The following GAA variants were observed in gnomAD, a reference collection of about 807,000 sequenced individuals.
GAA encodes the protein alpha glucosidase, also known as lysosomal alpha-glucosidase.
GAA carries 88 observed loss-of-function variants against 103.9 expected under a neutral mutation model. That is an observed-to-expected ratio of 0.85 (90% CI 0.71 to 1.01). GAA has a LOEUF of 1.01. Among genes scored for constraint, GAA ranks in the 50% least tolerant of loss-of-function variants. The pLI, the probability that GAA is intolerant of heterozygous loss-of-function variation, is 0.00. For synonymous variants in GAA, 572 were observed against 563.1 expected (o/e 1.02, Z -0.22); for missense variants, 1,350 against 1,305.3 (o/e 1.03, Z -0.53).
chr17:80,104,507 G>A lies in GAA; in HGVS notation c.-32-48G>A, dbSNP rs1282982483. On this transcript the variant is annotated intron_variant, in intron 1 of 19. Coordinates refer to ENST00000302262, the MANE Select transcript of GAA (RefSeq NM_000152.5). This position sits in a 1 kb window ranked among gnomAD's most constrained non-coding sequence, Gnocchi z 4.0. ...CAGAGCTGCTTTGAGAGCCCCGTGA[G>A]TGCCGCCCCTCCCGCCTCCCTGCTG... 1.5e-6 allele frequency: 2 copies of A among 1,379,160 alleles called. No homozygotes were observed. The highest frequency in any genetic ancestry group is 1.4e-5 in the African/African-American group (1 of 70,030). 85.4% of individuals were successfully genotyped at this position (1,379,160 alleles called of 1,614,324 possible).
In GAA at chr17:80,119,383, C is replaced by T; in HGVS notation, c.*52C>T. 1.3e-6 allele frequency: 2 copies of T among 1,508,168 alleles called. No homozygotes were observed. Among genetic ancestry groups the T allele is most frequent in the Non-Finnish European group, 1.8e-6 (2 of 1,084,024 alleles). The allele number at this position is 1,508,168 out of a possible 1,614,324, so 93.4% of individuals were successfully genotyped here. On this transcript the variant is annotated 3_prime_UTR_variant, in exon 20 of 20. Transcript: ENST00000302262. ...GAGGGAGGCTGGTTCCCCAGGGAAG[C>T]AGAGCCTGTGTGCGGGCAGCAGCTG...
chr17:80,118,601 C>A, intron 18 of GAA, 52 bp from the exon 19 acceptor site: 1 of 1,604,190 alleles, frequency 6.2e-7, no homozygotes. Context: ...CCCCAGCTGT[C>A]TGCTGACACC....
chr17:80,106,025 G>T (rs2039078750), intron 3 of GAA, 131 bp downstream of exon 3: 2 of 1,272,566 alleles, frequency 1.6e-6, no homozygotes, highest in Non-Finnish European at 2.1e-6. Context: ...ACACGGCGGG[G>T]AGGGCGACGG....
rs2039116471 is a variant in GAA at position 80,107,584 on chromosome 17, CTT to C, written c.722_723del (p.Phe241CysfsTer88). On this transcript the variant is annotated frameshift_variant, in exon 4 of 20. Transcript: ENST00000302262. LOFTEE classifies it high-confidence loss of function. ...TGAACACGACGGTGGCGCCCCTGTT[CTT>C]TGCGGACCAGTTCCTTCAGCTGTCC... is the stretch of plus-strand genomic sequence containing the variant. Reference protein sequence around the residue: ...LLNTTVAPLFFADQFLQLSTS... With the variant: ...LLNTTVAPLFXADQFLQLSTS... 7.4e-6 allele frequency: 12 copies of C among 1,613,070 alleles called. No homozygotes were observed. The highest frequency in any genetic ancestry group is 1.0e-5 in the Non-Finnish European group (12 of 1,179,912).
rs745338070 is a variant in GAA at position 80,113,035 on chromosome 17, G to GGGGGTGGC, written c.2040+11_2040+18dup. On this transcript the variant is annotated intron_variant, in intron 14 of 19. Coordinates refer to ENST00000302262, the MANE Select transcript of GAA (RefSeq NM_000152.5). ...AACAGCCTGCTCAGTCTGGTAGGGT[G>GGGGGTGGC]GGGGTGGCGGCATGGCAGGTGGGCG... 1.9e-6 allele frequency: 3 copies of GGGGGTGGC among 1,607,070 alleles called. No individual in the cohort carries two copies. In the Middle Eastern group the frequency reaches 5.0e-4, roughly 267 times the overall value.
intron 15 of GAA, chr17:80,116,739 T>C: frequency 1.7e-6 from 1 of 590,218 alleles, no homozygotes; most frequent in Non-Finnish European, 3.1e-6. Flanking sequence ...ATTCCTGCCC[T>C]GAGCCCAGCT....
intron 3 of GAA, 23 bp from the exon 4 acceptor site, chr17:80,107,534 C>T (rs771827503): frequency 1.9e-6 from 3 of 1,612,748 alleles, no homozygotes; most frequent in Admixed American, 3.3e-5. Flanking sequence ...TGTGAGCAAG[C>T]CTGGCTGGCC....
Position 80,119,718 on chromosome 17 carries a change from C to T in GAA, c.*387C>T, listed in dbSNP as rs368359298. The T allele has an allele frequency of 5.4e-4, 164 of 305,100 alleles. No homozygotes were observed. The highest frequency in any genetic ancestry group is 3.1e-3 in the African/African-American group (145 of 46,282). 18.9% of individuals were successfully genotyped at this position (305,100 alleles called of 1,614,324 possible). On this transcript the variant is annotated 3_prime_UTR_variant, in exon 20 of 20. Transcript: ENST00000302262. ...GGGGTATGCACCTGAGCTCCTGCTT[C>T]GCGCCTGCTGCTCTGCCCCAACGCG... is the stretch of plus-strand genomic sequence containing the variant.
rs776948121 is a variant in GAA at position 80,112,928 on chromosome 17, C to T, written c.1941C>T (p.Cys647=). 4.3e-6 allele frequency: 7 copies of T among 1,610,340 alleles called. No homozygotes were observed. The highest frequency in any genetic ancestry group is 2.2e-5 in the East Asian group (1 of 44,836). The change falls in exon 14 of 20, where the codon TGC becomes TGT. Residue 647 remains cysteine (C), a synonymous_variant. Coordinates refer to ENST00000302262, the MANE Select transcript of GAA (RefSeq NM_000152.5). ...TGCCTCTGGTCGGGGCCGACGTCTG[C>T]GGCTTCCTGGGCAACACCTCAGAGG... ...LGVPLVGADV[C]GFLGNTSEEL... is the part of the protein sequence containing the mutation.
intron 19 of GAA, 85 bp from the exon 20 acceptor site, chr17:80,119,187 G>T: frequency 7.5e-7 from 1 of 1,325,770 alleles, no homozygotes; most frequent in Non-Finnish European, 1.1e-6. Flanking sequence ...GGGATCTCGG[G>T]GCCAGATGGA....
chr17:80,112,898 G>C lies in GAA; in HGVS notation c.1911G>C (p.Leu637=), dbSNP rs2039275341. ...SVPEILQFNL[L]GVPLVGADVC... Reference sequence around the variant, plus strand: ...CAGAAATCCTGCAGTTTAACCTGCTGGGGGTGCCTCTGGTCGGGGCCGACG... The same window carrying C: ...CAGAAATCCTGCAGTTTAACCTGCTCGGGGTGCCTCTGGTCGGGGCCGACG... The change falls in exon 14 of 20, where the codon CTG becomes CTC. Residue 637 remains leucine (L), a synonymous_variant. Transcript: ENST00000302262. 1 of 1,610,076 alleles carries C rather than the reference G, an allele frequency of 6.2e-7. No individual in the cohort carries two copies. The highest frequency in any genetic ancestry group is 1.7e-5 in the Admixed American group (1 of 59,664).
intron 15 of GAA, 58 bp from the exon 16 acceptor site, chr17:80,116,910 A>G: frequency 6.2e-7 from 1 of 1,605,318 alleles, no homozygotes; most frequent in Non-Finnish European, 8.5e-7. Flanking sequence ...GGGTGGGCAT[A>G]TGAGCCAGCC....
Position 80,113,130 on chromosome 17 carries a change from TGAG to T in GAA, c.2041-87_2041-85del, listed in dbSNP as rs1423606888. The T allele has an allele frequency of 2.0e-6, 3 of 1,537,576 alleles. No individual in the cohort carries two copies. In the Admixed American group the frequency reaches 5.8e-5, roughly 30 times the overall value. On this transcript the variant is annotated intron_variant, in intron 14 of 19. Transcript: ENST00000302262. ...GGAGAAGCACCCCATGCTGGGTGGC[TGAG>T]AAGTGCAGCTCTCCCGAGGCGGGGA...
chr17:80,113,419 C>T (rs1234847044), intron 15 of GAA, 53 bp downstream of exon 15: 3 of 1,461,710 alleles, frequency 2.1e-6, no homozygotes, highest in African/African-American at 2.8e-5. Context: ...GGGAGGGGCA[C>T]GTAACTCCCA....
At position 80,109,839 on chromosome 17, in the gene GAA, C is replaced by T. The variant is rs375580160; in HGVS notation, c.1327-106C>T. On this transcript the variant is annotated intron_variant, in intron 8 of 19. Transcript: ENST00000302262. Reference sequence around the variant, plus strand: ...TACACAGGCAGGCATGCTGTACACACGCATGATGTCATCCCCAGCCTCATC... The same window carrying T: ...TACACAGGCAGGCATGCTGTACACATGCATGATGTCATCCCCAGCCTCATC... The T allele has an allele frequency of 7.6e-4, 604 of 798,496 alleles. 2 individuals carry two copies. The highest frequency in any genetic ancestry group is 5.9e-3 in the African/African-American group (346 of 58,260). The allele number at this position is 798,496 out of a possible 1,614,324, so 49.5% of individuals were successfully genotyped here.
chr17:80,102,137 T>TGCTCAGTCCTG (rs1456676156), intron 1 of GAA: 1 of 152,426 alleles, frequency 6.6e-6, no homozygotes, highest in Non-Finnish European at 1.5e-5. Context: ...ATCGACGCAG[T>TGCTCAGTCCTG]GCTCAGTCCT....
chr17:80,111,820 G>A (rs1357187910), intron 11 of GAA, 163 bp from the exon 12 acceptor site: 20 of 627,378 alleles, frequency 3.2e-5, no homozygotes, highest in East Asian at 1.6e-4. Context: ...CCCGGGTAAC[G>A]CCAGCCCCAC....
chr17:80,103,675 C>G (rs888652905), intron 1 of GAA, among the ~76,000 whole-genome samples: 1 of 152,116 alleles, frequency 6.6e-6, no homozygotes, highest in East Asian at 1.9e-4. Context: ...TGTCTGTACC[C>G]GAGGCTCCAG....
intron 3 of GAA, among the ~76,000 whole-genome samples, chr17:80,106,688 C>T (rs1342539390): frequency 1.3e-5 from 2 of 152,128 alleles, no homozygotes; most frequent in Admixed American, 6.5e-5. Context: ...GAGGCCAAGG[C>T]GAGAGGGTCA....
Sources: allele counts gnomAD v4.1 joint callset (sites outside exome capture counted in the v4.1 genomes callset), GRCh38; gene constraint gnomAD v4.1.1; non-coding constraint Gnocchi (gnomAD v3.1); transcripts MANE v1.5; gene names NCBI Gene and HGNC (gene_info 2026-07-23, HGNC 2026-07-21).